UTS2B: variants seen among roughly 807,000 people sequenced by gnomAD.
UTS2B encodes urotensin 2B.
UTS2B carries 21 observed loss-of-function variants against 19.2 expected under a neutral mutation model. That is an observed-to-expected ratio of 1.09 (90% CI 0.78 to 1.58). UTS2B has a LOEUF of 1.58. Ranked by LOEUF, UTS2B falls within the 40% of genes most tolerant of loss-of-function variation. The pLI, the probability that UTS2B is intolerant of heterozygous loss-of-function variation, is 0.00. For synonymous variants in UTS2B, 57 were observed against 50.2 expected (o/e 1.14, Z -0.58); for missense variants, 138 against 130.3 (o/e 1.06, Z -0.29).
intron 4 of UTS2B, among the ~76,000 whole-genome samples, chr3:191,285,258 C>T (rs1374319960): frequency 6.6e-6 from 1 of 152,100 alleles, no homozygotes; most frequent in Non-Finnish European, 1.5e-5. Flanking sequence ...TGTTAAGTTG[C>T]TATCAGCTTA....
At chr3:191,329,898 C>G (rs1308681429) in intron 1 of UTS2B, among the ~76,000 whole-genome samples, 1 of 131,700 alleles carries the variant, frequency 7.6e-6, no homozygotes, top group African/African-American at 2.9e-5. Context: ...GGACGTTGGG[C>G]AAGTCTCCGA....
In UTS2B at chr3:191,283,634, G is replaced by T. The variant is rs1000363923; in HGVS notation, c.-124-1321C>A. On this transcript the variant is annotated intron_variant, in intron 4 of 8. Transcript: ENST00000340524. ...TACCATAGTGGTTTGCGGGAAAAAT[G>T]AGTGAAAACATGTTTGATGTGTGAC... 2.6e-5 allele frequency among the ~76,000 whole-genome samples: 4 copies of T among 152,306 alleles called. No individual in the cohort carries two copies. The South Asian group carries it at 8.3e-4, about 32-fold the overall frequency.
chr3:191,340,438 A>C, the UTS2B span, among the ~76,000 whole-genome samples: 1 of 152,344 alleles, frequency 6.6e-6, no homozygotes, highest in East Asian at 1.9e-4. Flanking sequence ...AGAATTAGGA[A>C]ACTACATTTA....
chr3:191,272,631 C>T (rs533109037), intron 8 of UTS2B, among the ~76,000 whole-genome samples: 4 of 152,130 alleles, frequency 2.6e-5, no homozygotes, highest in South Asian at 2.1e-4. Flanking sequence ...GAGGCAGAAG[C>T]GGGTGGATCA....
intron 5 of UTS2B, among the ~76,000 whole-genome samples, chr3:191,278,665 G>A (rs2108572581): frequency 6.6e-6 from 1 of 152,076 alleles, no homozygotes; most frequent in African/African-American, 2.4e-5. Context: ...GGCAAAGCTA[G>A]GATGGTGTCT....
intron 4 of UTS2B, among the ~76,000 whole-genome samples, chr3:191,297,596 A>G (rs1278385212): frequency 6.6e-6 from 1 of 152,188 alleles, no homozygotes; most frequent in Non-Finnish European, 1.5e-5. Flanking sequence ...ATTTGTTAGT[A>G]ATTAAGTCAA....
At chr3:191,275,774 TGAAA>T (rs1327704986) in intron 7 of UTS2B, among the ~76,000 whole-genome samples, 1 of 136,998 alleles carries the variant, frequency 7.3e-6, no homozygotes, top group Non-Finnish European at 1.6e-5. Context: ...AGAAAATGGA[TGAAA>T]GAAAGGAAGA....
chr3:191,282,225 A>G lies in UTS2B; in HGVS notation c.-36T>C. The G allele has an allele frequency of 1.3e-6, 2 of 1,502,920 alleles. No homozygotes were observed. The highest frequency in any genetic ancestry group is 1.8e-6 in the Non-Finnish European group (2 of 1,091,988). The allele number at this position is 1,502,920 out of a possible 1,614,324, so 93.1% of individuals were successfully genotyped here. On this transcript the variant is annotated 5_prime_UTR_variant, in exon 5 of 9. Coordinates refer to ENST00000340524, the MANE Select transcript of UTS2B (RefSeq NM_198152.5). ...ACCTTCTGGACTAGCAAAGAAACAGACTTTCCAGGTCAAGATGGATATTTC... is the reference window on the plus strand; with the variant it reads ...ACCTTCTGGACTAGCAAAGAAACAGGCTTTCCAGGTCAAGATGGATATTTC...
chr3:191,313,432 G>A (rs1298365977), intron 3 of UTS2B, among the ~76,000 whole-genome samples: 1 of 152,172 alleles, frequency 6.6e-6, no homozygotes, highest in African/African-American at 2.4e-5. Flanking sequence ...TTCATGGGAT[G>A]CTTATAGTAA....
intron 8 of UTS2B, among the ~76,000 whole-genome samples, chr3:191,269,911 C>T (rs569686110): frequency 6.6e-6 from 1 of 152,308 alleles, no homozygotes; most frequent in South Asian, 2.1e-4. Flanking sequence ...ATGTTTATAG[C>T]GTACACCATT....
chr3:191,292,400 G>GTGGAATTACTTTCTTAATTTTATTT (rs1716744341), intron 4 of UTS2B, among the ~76,000 whole-genome samples: 1 of 151,754 alleles, frequency 6.6e-6, no homozygotes, highest in Non-Finnish European at 1.5e-5. Flanking sequence ...TATTTTTTGC[G>GTGGAATTACTTTCTTAATTTTATTT]TTGTTCTTTG....
chr3:191,337,292 TATA>T, the UTS2B span, among the ~76,000 whole-genome samples: 1 of 152,360 alleles, frequency 6.6e-6, no homozygotes, highest in Admixed American at 6.5e-5. Context: ...TTTGCTTTAA[TATA>T]ATGATGCCCT....
intron 8 of UTS2B, among the ~76,000 whole-genome samples, chr3:191,270,768 A>G (rs1158228085): frequency 6.6e-6 from 1 of 152,178 alleles, no homozygotes; most frequent in African/African-American, 2.4e-5. Flanking sequence ...TACTGGATCT[A>G]TCATAGTGAA....
rs977087540 is a variant in UTS2B at position 191,267,330 on chromosome 3, G to A, written c.*1086C>T. ...GTGACATACCTTCAAAAGTGCAACT[G>A]ATTAGTGATTATTCACAACATAAAC... On this transcript the variant is annotated 3_prime_UTR_variant, in exon 9 of 9. Transcript: ENST00000340524. 2.0e-5 allele frequency: 3 copies of A among 152,214 alleles called. No individual in the cohort carries two copies. The highest frequency in any genetic ancestry group is 2.1e-4 in the South Asian group (1 of 4,834). 9.4% of individuals were successfully genotyped at this position (152,214 alleles called of 1,614,324 possible).
rs562484478 is a variant in UTS2B, at chr3:191,291,814, T to C, written c.-124-9501A>G. 5.3e-4 allele frequency among the ~76,000 whole-genome samples: 81 copies of C among 152,116 alleles called. 1 individual carries two copies. The Middle Eastern group carries it at 0.02, about 38-fold the overall frequency. On this transcript the variant is annotated intron_variant, in intron 4 of 8. Coordinates refer to ENST00000340524, the MANE Select transcript of UTS2B (RefSeq NM_198152.5). ...GTTGGGTTTCACCTTTATTTATTTATTTATTTTCGCATGTGGATATCTAGT... is the reference window on the plus strand; with the variant it reads ...GTTGGGTTTCACCTTTATTTATTTACTTATTTTCGCATGTGGATATCTAGT...
chr3:191,330,975 T>C (rs774607611), upstream of UTS2B, among the ~76,000 whole-genome samples: 2 of 152,214 alleles, frequency 1.3e-5, no homozygotes, highest in Non-Finnish European at 2.9e-5. Flanking sequence ...GTCCCTGGTA[T>C]GGCTTTGATG....
intron 4 of UTS2B, among the ~76,000 whole-genome samples, chr3:191,298,727 G>A (rs1274495682): frequency 6.6e-6 from 1 of 152,174 alleles, no homozygotes; most frequent in African/African-American, 2.4e-5. Flanking sequence ...GGTAACAAGA[G>A]GTTGGAAGAG....
At chr3:191,331,148 G>A (rs1717969836), upstream of UTS2B, among the ~76,000 whole-genome samples, 1 of 152,156 alleles carries the variant, frequency 6.6e-6, no homozygotes, top group African/African-American at 2.4e-5. Context: ...GTGTGGGTAT[G>A]TGTTGGGTTT....
chr3:191,307,283 C>G (rs574083390), intron 3 of UTS2B, among the ~76,000 whole-genome samples: 1 of 152,084 alleles, frequency 6.6e-6, no homozygotes, highest in Non-Finnish European at 1.5e-5. Flanking sequence ...GACCCAGACT[C>G]AATCCGTCTA....
Sources: gnomAD v4.1 joint callset for allele counts (sites outside exome capture counted in the v4.1 genomes callset) on GRCh38, gnomAD v4.1.1 for gene constraint, MANE v1.5 for transcripts, NCBI Gene and HGNC (gene_info 2026-07-23, HGNC 2026-07-21) for gene names.